Variants in FHOD3 observed in about 807,000 individuals in gnomAD.
FHOD3 encodes the protein formin homology 2 domain containing 3, also known as FH1/FH2 domain-containing protein 3.
A neutral mutation model predicts 173.0 loss-of-function variants in FHOD3; 90 were observed. That is an observed-to-expected ratio of 0.52 (90% CI 0.44 to 0.62). The LOEUF is 0.62. FHOD3 is among the 20% of genes least tolerant of loss of function. FHOD3 has a pLI of 0.00. For synonymous variants in FHOD3, 828 were observed against 823.0 expected, an observed-to-expected ratio of 1.01 and a Z score of -0.10; for missense variants, 1,945 against 2,034.7, an observed-to-expected ratio of 0.96 and a Z score of 0.85.
At chr18:36,678,636 T>C (rs1340479470) in intron 14 of FHOD3, among the ~76,000 whole-genome samples, 3 of 151,448 alleles carry the variant, frequency 2.0e-5, no homozygotes, top group Non-Finnish European at 4.4e-5. Context: ...ATTAAGAAAG[T>C]TTTCTTCTAT....
At position 36,550,856 on chromosome 18, in the gene FHOD3, G is replaced by A. The variant is rs181934086; in HGVS notation, c.512-25595G>A. 1.8e-3 allele frequency among the ~76,000 whole-genome samples: 272 copies of A among 152,048 alleles called. 1 individual carries two copies. The highest frequency in any genetic ancestry group is 0.01 in the Middle Eastern group (3 of 294). ...TAGGATCTTCTCAGATGATCATGTC[G>A]TCTGTGAATAAAGCCAGCTTTACCT... On this transcript the variant is annotated intron_variant, in intron 5 of 28. Transcript: ENST00000590592.
chr18:36,563,414 G>A (rs2058156546), intron 5 of FHOD3, among the ~76,000 whole-genome samples: 1 of 152,204 alleles, frequency 6.6e-6, no homozygotes, highest in African/African-American at 2.4e-5. Flanking sequence ...GGAACTGGGA[G>A]TTTTGGAGGT....
intron 3 of FHOD3, among the ~76,000 whole-genome samples, chr18:36,439,594 C>A (rs1416969529): frequency 6.8e-6 from 1 of 146,836 alleles, no homozygotes; most frequent in Non-Finnish European, 1.5e-5. Flanking sequence ...TAAGAGGAGA[C>A]TTTTTATGTG....
chr18:36,637,366 C>A (rs2034964184), intron 10 of FHOD3, among the ~76,000 whole-genome samples: 1 of 152,140 alleles, frequency 6.6e-6, no homozygotes, highest in Non-Finnish European at 1.5e-5. Flanking sequence ...TGCAGTGACA[C>A]AATCTCAGCT....
intron 17 of FHOD3, among the ~76,000 whole-genome samples, chr18:36,698,053 G>A (rs929260352): frequency 6.6e-6 from 1 of 152,198 alleles, no homozygotes; most frequent in Non-Finnish European, 1.5e-5. Flanking sequence ...AACACTGCAT[G>A]CTAGTTCTCT....
At chr18:36,519,857 G>T (rs1357686186) in intron 5 of FHOD3, among the ~76,000 whole-genome samples, 13 of 151,664 alleles carry the variant, frequency 8.6e-5, no homozygotes, top group Admixed American at 6.6e-4. Context: ...GTTGATTTTG[G>T]TTTTCCCTCT....
chr18:36,356,734 C>T lies in FHOD3; in HGVS notation c.272+1089C>T, dbSNP rs575238506. Among the ~76,000 whole-genome samples the T allele has an allele frequency of 5.3e-5, 8 of 152,160 alleles. No homozygotes were observed. The East Asian group carries it at 1.5e-3, about 29-fold the overall frequency. ...CACTGCAACCTCTGTCTCCCAGGTT[C>T]CAGCAATTCTCCTGCCTCAGACTCC... On this transcript the variant is annotated intron_variant, in intron 2 of 28. Transcript: ENST00000590592.
At chr18:36,490,819 G>A (rs187100553) in intron 3 of FHOD3, among the ~76,000 whole-genome samples, 234 of 152,314 alleles carry the variant, frequency 1.5e-3, no homozygotes, top group Non-Finnish European at 2.8e-3. Context: ...AAAGACAGGA[G>A]GAGTTAGGAT....
intron 18 of FHOD3, among the ~76,000 whole-genome samples, chr18:36,715,975 T>G (rs2040425836): frequency 6.6e-6 from 1 of 152,194 alleles, no homozygotes; most frequent in Admixed American, 6.5e-5. Context: ...TAACGAGGTT[T>G]ATGGGCATGT....
chr18:36,596,404 C>CA (rs2030433920), intron 7 of FHOD3, among the ~76,000 whole-genome samples: 1 of 138,280 alleles, frequency 7.2e-6, no homozygotes, highest in African/African-American at 2.7e-5. Context: ...AGCACGGTCT[C>CA]AGTCTCCTGA....
chr18:36,364,682 A>G (rs1304640829), intron 2 of FHOD3, among the ~76,000 whole-genome samples: 1 of 152,192 alleles, frequency 6.6e-6, no homozygotes, highest in Non-Finnish European at 1.5e-5. Context: ...ACATTGTGGA[A>G]TATACATTGT....
At chr18:36,494,814 C>T (rs931114794) in intron 3 of FHOD3, among the ~76,000 whole-genome samples, 1 of 152,126 alleles carries the variant, frequency 6.6e-6, no homozygotes, top group Non-Finnish European at 1.5e-5. Context: ...GATCTCAGCC[C>T]CCATTTCTGC....
At chr18:36,571,182 A>G (rs1441344378) in intron 5 of FHOD3, among the ~76,000 whole-genome samples, 2 of 152,248 alleles carry the variant, frequency 1.3e-5, no homozygotes, top group Non-Finnish European at 2.9e-5. Flanking sequence ...GTTATAGGAT[A>G]TAAGGCCAAT....
At chr18:36,332,975 C>G (rs1403900018) in intron 1 of FHOD3, among the ~76,000 whole-genome samples, 4 of 152,220 alleles carry the variant, frequency 2.6e-5, no homozygotes, top group Admixed American at 2.6e-4. Context: ...GGCTTGTGTA[C>G]TCTTCTGTTT....
chr18:36,425,360 T>C (rs959536232), intron 3 of FHOD3, among the ~76,000 whole-genome samples: 5 of 152,178 alleles, frequency 3.3e-5, no homozygotes, highest in Admixed American at 1.3e-4. Context: ...CGCTATATTA[T>C]AGTTAAGGGA....
intron 1 of FHOD3, among the ~76,000 whole-genome samples, chr18:36,354,182 AC>A (rs1308821490): frequency 6.6e-6 from 1 of 152,212 alleles, no homozygotes; most frequent in African/African-American, 2.4e-5. Context: ...TGCATTTTGC[AC>A]CGTGACAAAA....
intron 27 of FHOD3, among the ~76,000 whole-genome samples, chr18:36,768,255 T>C (rs2043226595): frequency 6.6e-6 from 1 of 152,366 alleles, no homozygotes; most frequent in African/African-American, 2.4e-5. Flanking sequence ...AGAAAGCTGA[T>C]CAATTACAAA....
chr18:36,767,052 G>A (rs2043169126), intron 27 of FHOD3, among the ~76,000 whole-genome samples: 1 of 152,124 alleles, frequency 6.6e-6, no homozygotes, highest in South Asian at 2.1e-4. Flanking sequence ...AAAAGCTGTG[G>A]CATTATAAGG....
chr18:36,664,356 C>T (rs576031702), intron 14 of FHOD3, among the ~76,000 whole-genome samples: 6 of 152,188 alleles, frequency 3.9e-5, no homozygotes, highest in Admixed American at 6.5e-5. Flanking sequence ...CCTTGGACTG[C>T]GCAGAAGCAG....
Sources: gnomAD v4.1 joint callset for allele counts (sites outside exome capture counted in the v4.1 genomes callset) on GRCh38, gnomAD v4.1.1 for gene constraint, MANE v1.5 for transcripts, NCBI Gene and HGNC (gene_info 2026-07-23, HGNC 2026-07-21) for gene names.